The following CPA6 variants were observed in gnomAD, a reference collection of about 807,000 sequenced individuals.
The protein encoded by CPA6 is carboxypeptidase B.
A neutral mutation model predicts 63.3 loss-of-function variants in CPA6; 58 were observed. The observed-to-expected ratio is 0.92, with a 90% CI of 0.74 to 1.14. The LOEUF (loss-of-function observed/expected upper bound fraction) is 1.14. CPA6 is among the 50% of genes most tolerant of loss of function. CPA6 has a pLI of 0.00. For synonymous variants in CPA6, 185 were observed against 179.0 expected (o/e 1.03, Z -0.27); for missense variants, 565 against 526.6 (o/e 1.07, Z -0.71).
intron 2 of CPA6, among the ~76,000 whole-genome samples, chr8:67,597,585 A>G (rs973586362): frequency 2.0e-5 from 3 of 151,834 alleles, no homozygotes; most frequent in Non-Finnish European, 2.9e-5. Flanking sequence ...TCATTTCACC[A>G]TTTCTGTCTT....
In CPA6 at chr8:67,720,218, G is replaced by C. The variant is rs532913800; in HGVS notation, c.116+25796C>G. 5.3e-4 allele frequency among the ~76,000 whole-genome samples: 80 copies of C among 152,166 alleles called. No individual in the cohort carries two copies. The South Asian group carries it at 0.015, about 29-fold the overall frequency. ...TTTGAGCCAGGATGAGCCAGGAAAA[G>C]GACTTTCACAAGGTAATGTCATCAG... is the stretch of plus-strand genomic sequence containing the variant. On this transcript the variant is annotated intron_variant, in intron 1 of 10. Transcript: ENST00000297770.
intron 1 of CPA6, among the ~76,000 whole-genome samples, chr8:67,726,380 G>A (rs574449029): frequency 7.4e-4 from 112 of 152,234 alleles, no homozygotes; most frequent in Middle Eastern, 3.4e-3. Context: ...AGAAAAAATA[G>A]CCCCTAGCCT....
At chr8:67,478,415 C>T (rs1811288544) in intron 8 of CPA6, among the ~76,000 whole-genome samples, 1 of 152,186 alleles carries the variant, frequency 6.6e-6, no homozygotes, top group East Asian at 1.9e-4. Context: ...TCTTGGGAAC[C>T]CTGATTTATA....
intron 8 of CPA6, among the ~76,000 whole-genome samples, chr8:67,459,936 A>G (rs1810762899): frequency 6.6e-6 from 1 of 152,162 alleles, no homozygotes; most frequent in Non-Finnish European, 1.5e-5. Context: ...TAGGGGCAGT[A>G]GGTACATGGA....
chr8:67,692,111 C>T (rs1215723338), intron 1 of CPA6, among the ~76,000 whole-genome samples: 2 of 152,002 alleles, frequency 1.3e-5, no homozygotes, highest in East Asian at 1.9e-4. Flanking sequence ...CCGAGGCCAG[C>T]GGATCACCTG....
At chr8:67,428,616 T>C (rs1809949710) in intron 9 of CPA6, among the ~76,000 whole-genome samples, 1 of 152,196 alleles carries the variant, frequency 6.6e-6, no homozygotes, top group African/African-American at 2.4e-5. Flanking sequence ...CCTGAGTAGC[T>C]GGGACTACAA....
chr8:67,736,065 T>C (rs2623855), intron 1 of CPA6, among the ~76,000 whole-genome samples: 124,552 of 151,914 alleles, frequency 0.82, 51,274 homozygotes, highest in Admixed American at 0.86. Context: ...AGTCATCTCC[T>C]GTCTCTCTTC....
chr8:67,613,829 C>T (rs183734234), intron 2 of CPA6, among the ~76,000 whole-genome samples: 2 of 152,248 alleles, frequency 1.3e-5, no homozygotes, highest in Admixed American at 1.3e-4. Context: ...CATATAAACC[C>T]TGAACACCAG....
chr8:67,590,911 T>C (rs1814103654), intron 2 of CPA6, among the ~76,000 whole-genome samples: 1 of 152,346 alleles, frequency 6.6e-6, no homozygotes, highest in South Asian at 2.1e-4. Flanking sequence ...TTGTCAATTT[T>C]GGCTTTTGTT....
chr8:67,447,620 CAT>C (rs1000661268), intron 8 of CPA6, among the ~76,000 whole-genome samples: 4 of 151,418 alleles, frequency 2.6e-5, no homozygotes, highest in African/African-American at 7.3e-5. Flanking sequence ...TTTTAATTTT[CAT>C]AGATTTTTTG....
At position 67,609,704 on chromosome 8, in the gene CPA6, T is replaced by C. The variant is rs1489889170; in HGVS notation, c.192+14472A>G. Among the ~76,000 whole-genome samples, 4 of 152,206 alleles carry C rather than the reference T, an allele frequency of 2.6e-5. No homozygotes were observed. The East Asian group carries it at 7.7e-4, about 29-fold the overall frequency. ...GATAAACAATTAGATCTGTGATATG[T>C]AGAGTCAGTCTTAGATTTGTTAAAA... On this transcript the variant is annotated intron_variant, in intron 2 of 10. Transcript: ENST00000297770.
At chr8:67,583,158 AG>A (rs2128978884) in intron 2 of CPA6, among the ~76,000 whole-genome samples, 1 of 122,240 alleles carries the variant, frequency 8.2e-6, no homozygotes, top group African/African-American at 3.2e-5. Context: ...TTTGAGGGTG[AG>A]GGGGCTGGGT....
chr8:67,657,740 C>T (rs1390958165), intron 1 of CPA6, among the ~76,000 whole-genome samples: 5 of 152,178 alleles, frequency 3.3e-5, no homozygotes, highest in South Asian at 2.1e-4. Flanking sequence ...CTTGTCTTCT[C>T]TTTCTCCTGT....
intron 6 of CPA6, among the ~76,000 whole-genome samples, chr8:67,495,614 A>G (rs760293042): frequency 2.6e-5 from 4 of 151,884 alleles, no homozygotes; most frequent in Non-Finnish European, 4.4e-5. Flanking sequence ...CCTTTCATCC[A>G]TATATCATTG....
At chr8:67,606,193 A>C (rs564314146) in intron 2 of CPA6, among the ~76,000 whole-genome samples, 161 of 33,438 alleles carry the variant, frequency 4.8e-3, no homozygotes, top group African/African-American at 0.019. Context: ...GGGGTGGGGG[A>C]GGGGGGAGGG....
chr8:67,464,750 C>A (rs1296963267), intron 8 of CPA6, among the ~76,000 whole-genome samples: 1 of 152,220 alleles, frequency 6.6e-6, no homozygotes, highest in Non-Finnish European at 1.5e-5. Flanking sequence ...ATCTCAGCAT[C>A]ATTTATTGAA....
chr8:67,445,234 TG>T lies in CPA6; in HGVS notation c.839-10995del, dbSNP rs1810385515. ...AAGAGGCAGATTTAAGATTTTTTTT[TG>T]GGAGGACAAGCATATCTAAAGAAAG... On this transcript the variant is annotated intron_variant, in intron 8 of 10. Coordinates refer to ENST00000297770, the MANE Select transcript of CPA6 (RefSeq NM_020361.5). 2.0e-5 allele frequency among the ~76,000 whole-genome samples: 3 copies of T among 151,228 alleles called. No homozygotes were observed. In the South Asian group the frequency reaches 6.3e-4, roughly 32 times the overall value.
intron 5 of CPA6, among the ~76,000 whole-genome samples, chr8:67,507,999 T>G (rs1344934046): frequency 5.6e-5 from 8 of 142,296 alleles, no homozygotes; most frequent in Admixed American, 2.2e-4. Context: ...ATGGGGTGCT[T>G]TGTGTGTGTG....
chr8:67,740,840 G>A (rs993541863), intron 1 of CPA6, among the ~76,000 whole-genome samples: 1 of 152,116 alleles, frequency 6.6e-6, no homozygotes, highest in African/African-American at 2.4e-5. Flanking sequence ...AAAGTGCTGG[G>A]ATTACAGACG....
Sources: allele counts gnomAD v4.1 joint callset (sites outside exome capture counted in the v4.1 genomes callset), GRCh38; gene constraint gnomAD v4.1.1; transcripts MANE v1.5; gene names NCBI Gene and HGNC (gene_info 2026-07-23, HGNC 2026-07-21).